The following KALRN variants were observed in gnomAD, a reference collection of about 807,000 sequenced individuals.
KALRN encodes kalirin.
KALRN carries 70 observed loss-of-function variants against 353.7 expected under a neutral mutation model. The observed-to-expected ratio is 0.20, with a 90% CI of 0.16 to 0.24. KALRN has a LOEUF of 0.24. KALRN is among the 10% of genes least tolerant of loss of function. The probability of loss-of-function intolerance (pLI) is 1.00; values close to 1 mark genes in which losing one functional copy is unlikely to be tolerated. For missense variants in KALRN, 2,791 were observed against 3,756.7 expected (o/e 0.74, Z 6.72); for synonymous variants, 1,391 against 1,434.8 (o/e 0.97, Z 0.69).
intron 5 of KALRN, among the ~76,000 whole-genome samples, chr3:124,274,362 A>G (rs1342853002): frequency 1.3e-5 from 2 of 152,254 alleles, no homozygotes; most frequent in African/African-American, 4.8e-5. Flanking sequence ...TCAGTCTTCC[A>G]GTCTTTTCAG....
In KALRN at chr3:124,562,890, G is replaced by A. The variant is rs370607692; in HGVS notation, c.4983G>A (p.Ala1661=). Residue 1661 remains alanine (A), a synonymous_variant, in exon 34 of 60, where the codon GCG becomes GCA. Coordinates refer to ENST00000682506, the MANE Select transcript of KALRN (RefSeq NM_001388419.1). ...CAGTGGTCCTCCAGGACTTCAGTGC[G>A]GGCCACAGCAGTGAGCTGACCATCC... ...ELTVVLQDFS[A]GHSSELTIQV... is the part of the protein sequence containing the mutation. 2.1e-4 allele frequency: 285 copies of A among 1,367,476 alleles called. 1 individual carries two copies. The highest frequency in any genetic ancestry group is 2.6e-4 in the Non-Finnish European group (261 of 1,021,924). 84.7% of individuals were successfully genotyped at this position (1,367,476 alleles called of 1,614,324 possible). A position where few individuals can be genotyped will look rare whatever the true frequency, so the allele number is the denominator to read the frequency against.
intron 33 of KALRN, among the ~76,000 whole-genome samples, chr3:124,527,089 T>C (rs781604652): frequency 3.9e-5 from 6 of 152,036 alleles, no homozygotes; most frequent in Non-Finnish European, 7.4e-5. Context: ...AAAATAAAGC[T>C]GCAAAGGAAT....
intron 33 of KALRN, among the ~76,000 whole-genome samples, chr3:124,501,823 C>T (rs1216924228): frequency 6.6e-6 from 1 of 152,250 alleles, no homozygotes; most frequent in Non-Finnish European, 1.5e-5. Context: ...AGAAGCTGTT[C>T]TCCATGCTAG....
chr3:124,619,325 A>G (rs1457260555), intron 34 of KALRN, among the ~76,000 whole-genome samples: 2 of 152,102 alleles, frequency 1.3e-5, no homozygotes, highest in Non-Finnish European at 2.9e-5. Context: ...TTTGTTGGCA[A>G]ACACTTAGAT....
intron 1 of KALRN, chr3:124,152,078 C>T: frequency 7.8e-7 from 1 of 1,288,006 alleles, no homozygotes; most frequent in Admixed American, 1.7e-5. Context: ...TTTAAAGGGC[C>T]ACAGGAAGTT....
At chr3:124,085,003 C>T (rs946642611) in intron 1 of KALRN, among the ~76,000 whole-genome samples, 12 of 152,308 alleles carry the variant, frequency 7.9e-5, no homozygotes, top group East Asian at 5.8e-4. Flanking sequence ...TACCATGTAA[C>T]GACACAGTCA....
intron 34 of KALRN, among the ~76,000 whole-genome samples, chr3:124,611,221 G>A (rs146098225): frequency 6.6e-6 from 1 of 152,218 alleles, no homozygotes; most frequent in Non-Finnish European, 1.5e-5. Context: ...GTGGGATCTG[G>A]GGAAGGACCG....
chr3:124,033,630 C>G lies in KALRN; in HGVS notation c.-111C>G, dbSNP rs2039095829. Among the ~76,000 whole-genome samples, 1 of 151,660 alleles carries G rather than the reference C, an allele frequency of 6.6e-6. No homozygotes were observed. Among genetic ancestry groups the G allele is most frequent in the South Asian group, 2.1e-4 (1 of 4,824 alleles). ...GCCCTCGAAGCTCCGCGGCCGCCAG[C>G]TCTGCGGCCGCAGCAGCTGCGCCCC... On this transcript the variant is annotated 5_prime_UTR_variant, in exon 1 of 60. Transcript: ENST00000682506. The surrounding 1 kb of genome is among the most constrained non-coding windows in gnomAD (Gnocchi z 6.2).
intron 1 of KALRN, among the ~76,000 whole-genome samples, chr3:124,106,185 G>A (rs552731137): frequency 1.3e-5 from 2 of 152,288 alleles, no homozygotes; most frequent in South Asian, 2.1e-4. Flanking sequence ...GGAGGAGGGG[G>A]AACACTTCCT....
chr3:124,490,325 C>T (rs549617418), intron 29 of KALRN, among the ~76,000 whole-genome samples: 1 of 152,320 alleles, frequency 6.6e-6, no homozygotes, highest in East Asian at 1.9e-4. Flanking sequence ...CAACCCCACT[C>T]ATAGCTACAA....
At chr3:124,091,273 C>T (rs964473863) in intron 1 of KALRN, among the ~76,000 whole-genome samples, 2 of 152,148 alleles carry the variant, frequency 1.3e-5, no homozygotes, top group African/African-American at 4.8e-5. Context: ...TGTCTGTGGA[C>T]GGTCTTCACT....
chr3:124,034,275 G>A (rs1014819135), intron 1 of KALRN, among the ~76,000 whole-genome samples: 7 of 152,180 alleles, frequency 4.6e-5, no homozygotes, highest in African/African-American at 1.7e-4. Context: ...TGTGCACAGA[G>A]GGGCGGCGGG....
intron 1 of KALRN, among the ~76,000 whole-genome samples, chr3:124,206,173 T>C (rs1380572505): frequency 1.3e-5 from 2 of 152,220 alleles, no homozygotes; most frequent in Non-Finnish European, 2.9e-5. Context: ...TTTCTTGCTC[T>C]TGTCATAGTC....
intron 9 of KALRN, among the ~76,000 whole-genome samples, chr3:124,337,060 G>T (rs141541886): frequency 2.0e-5 from 3 of 152,102 alleles, no homozygotes; most frequent in Non-Finnish European, 2.9e-5. Context: ...ATTTTGGGCC[G>T]AGACGATGGG....
intron 51 of KALRN, among the ~76,000 whole-genome samples, chr3:124,691,226 C>G (rs1369101511): frequency 6.6e-6 from 1 of 152,098 alleles, no homozygotes; most frequent in South Asian, 2.1e-4. Context: ...GTCAGGAGTT[C>G]AAGACCAGCC....
At position 124,585,796 on chromosome 3, in the gene KALRN, A is replaced by T. The variant is rs1197135091; in HGVS notation, c.5182+22707A>T. Among the ~76,000 whole-genome samples, 3 of 152,156 alleles carry T rather than the reference A, an allele frequency of 2.0e-5. No homozygotes were observed. The East Asian group carries it at 5.8e-4, about 29-fold the overall frequency. Reference sequence around the variant, plus strand: ...CCCCCTACTTGACATTTGCCCTTTTAAAAAGTTTCACCTTTTGGGCCTCTG... The same window carrying T: ...CCCCCTACTTGACATTTGCCCTTTTTAAAAGTTTCACCTTTTGGGCCTCTG... On this transcript the variant is annotated intron_variant, in intron 34 of 59. Transcript: ENST00000682506.
chr3:124,691,834 T>A (rs2061830257), intron 51 of KALRN, among the ~76,000 whole-genome samples: 2 of 152,266 alleles, frequency 1.3e-5, no homozygotes, highest in South Asian at 4.2e-4. Flanking sequence ...CGTGGTTGAT[T>A]TAATAGTTTG....
intron 1 of KALRN, among the ~76,000 whole-genome samples, chr3:124,125,602 T>C (rs2064562085): frequency 1.3e-5 from 2 of 152,208 alleles, no homozygotes; most frequent in Non-Finnish European, 2.9e-5. Context: ...CTCTTCCTTA[T>C]TCCTGGACAT....
At chr3:124,556,145 A>G (rs772731836) in intron 33 of KALRN, among the ~76,000 whole-genome samples, 51 of 152,146 alleles carry the variant, frequency 3.4e-4, no homozygotes, top group Non-Finnish European at 6.0e-4. Flanking sequence ...ATTAATTACT[A>G]TGCAATTCAC....
Sources: gnomAD v4.1 joint callset for allele counts (sites outside exome capture counted in the v4.1 genomes callset) on GRCh38, gnomAD v4.1.1 for gene constraint, Gnocchi (gnomAD v3.1) non-coding constraint, MANE v1.5 for transcripts, NCBI Gene and HGNC (gene_info 2026-07-23, HGNC 2026-07-21) for gene names.